Variants in KIAA0825 observed in about 807,000 individuals in gnomAD.
The protein encoded by KIAA0825 is KIAA0825, also known as uncharacterized protein KIAA0825.
In KIAA0825, 119 loss-of-function variants were observed where a neutral mutation model predicts 147.6. The ratio of observed to expected loss-of-function variants is 0.81; its 90% CI spans 0.69 to 0.94. KIAA0825 has a LOEUF of 0.94. Among genes scored for constraint, KIAA0825 ranks in the 40% least tolerant of loss-of-function variants. The pLI is 0.00. For synonymous variants in KIAA0825, 470 were observed against 518.1 expected, an observed-to-expected ratio of 0.91 and a Z score of 1.26; for missense variants, 1,381 against 1,472.7, an observed-to-expected ratio of 0.94 and a Z score of 1.02.
intron 20 of KIAA0825, among the ~76,000 whole-genome samples, chr5:94,289,466 C>T (rs571388304): frequency 1.3e-4 from 19 of 145,154 alleles, no homozygotes; most frequent in African/African-American, 4.8e-4. Context: ...ACCCAGGAGA[C>T]AGAGGTTGCA....
At position 94,169,448 on chromosome 5, in the gene KIAA0825, G is replaced by A. The variant is rs577598574; in HGVS notation, c.3711-15324C>T. Among the ~76,000 whole-genome samples the A allele has an allele frequency of 5.9e-5, 9 of 152,138 alleles. 1 individual carries two copies. Among genetic ancestry groups the A allele is most frequent in the Admixed American group, 2.6e-4 (4 of 15,274 alleles). ...AATACAAAAATTAGCGGGGCATGGTGGCACATGCCTGTAATCCCAGCATTT... is the reference window on the plus strand; with the variant it reads ...AATACAAAAATTAGCGGGGCATGGTAGCACATGCCTGTAATCCCAGCATTT... On this transcript the variant is annotated intron_variant, in intron 20 of 20. Coordinates refer to ENST00000682413, the MANE Select transcript of KIAA0825 (RefSeq NM_001145678.3).
chr5:94,578,475 TG>T (rs1490898586), intron 2 of KIAA0825, among the ~76,000 whole-genome samples: 2 of 152,220 alleles, frequency 1.3e-5, no homozygotes, highest in African/African-American at 2.4e-5. Context: ...TCTTAGATGT[TG>T]GAACAATTAC....
At chr5:94,427,520 T>C (rs1755046921) in intron 14 of KIAA0825, among the ~76,000 whole-genome samples, 1 of 151,958 alleles carries the variant, frequency 6.6e-6, no homozygotes, top group Admixed American at 6.6e-5. Context: ...TGGGTGAGAG[T>C]GCAAGACCCT....
At chr5:94,211,676 T>TCCTA (rs1391364538) in intron 20 of KIAA0825, among the ~76,000 whole-genome samples, 1 of 152,174 alleles carries the variant, frequency 6.6e-6, no homozygotes, top group African/African-American at 2.4e-5. Context: ...CTATCTTGAG[T>TCCTA]CCTACCTGTA....
chr5:94,211,372 T>G (rs1772692027), intron 20 of KIAA0825, among the ~76,000 whole-genome samples: 1 of 152,154 alleles, frequency 6.6e-6, no homozygotes, highest in Admixed American at 6.6e-5. Flanking sequence ...GTTTTATTCC[T>G]CTCCCCTTCA....
At chr5:94,375,338 G>C (rs915602475) in intron 20 of KIAA0825, among the ~76,000 whole-genome samples, 1 of 151,968 alleles carries the variant, frequency 6.6e-6, no homozygotes, top group African/African-American at 2.4e-5. Context: ...GCCAAAAATA[G>C]ATTTTTCTGA....
At chr5:94,239,988 TAATA>T (rs942422250) in intron 20 of KIAA0825, among the ~76,000 whole-genome samples, 2 of 152,176 alleles carry the variant, frequency 1.3e-5, no homozygotes, top group Admixed American at 6.5e-5. Flanking sequence ...TTTGTCCAAT[TAATA>T]GATTGCCTGT....
intron 1 of KIAA0825, among the ~76,000 whole-genome samples, chr5:94,615,165 A>G (rs1190192166): frequency 6.6e-6 from 1 of 152,186 alleles, no homozygotes; most frequent in Admixed American, 6.5e-5. Context: ...GTGAACACAT[A>G]TAAAAGCTTA....
Position 94,269,334 on chromosome 5 carries a change from A to C in KIAA0825, c.3710+115034T>G, listed in dbSNP as rs368704978. 8.1e-4 allele frequency among the ~76,000 whole-genome samples: 123 copies of C among 152,266 alleles called. 3 individuals are homozygous for C. In the South Asian group the frequency reaches 0.021, roughly 25 times the overall value. On this transcript the variant is annotated intron_variant, in intron 20 of 20. Coordinates refer to ENST00000682413, the MANE Select transcript of KIAA0825 (RefSeq NM_001145678.3). ...TACCTTAGAAAATGAACTTCACTCA[A>C]ATGAAGACAGGAAGATGGAAAGAAG...
intron 20 of KIAA0825, among the ~76,000 whole-genome samples, chr5:94,319,124 A>C (rs1779929496): frequency 6.6e-6 from 1 of 151,906 alleles, no homozygotes; most frequent in Non-Finnish European, 1.5e-5. Context: ...GGCTGGCTGT[A>C]AACATTTGTG....
At chr5:94,443,036 T>C (rs1757283374) in intron 13 of KIAA0825, among the ~76,000 whole-genome samples, 1 of 152,166 alleles carries the variant, frequency 6.6e-6, no homozygotes, top group African/African-American at 2.4e-5. Context: ...TATGCCGCTG[T>C]ATCTGAATAC....
At chr5:94,540,169 G>A (rs1003547055) in intron 2 of KIAA0825, among the ~76,000 whole-genome samples, 1 of 152,162 alleles carries the variant, frequency 6.6e-6, no homozygotes, top group Non-Finnish European at 1.5e-5. Context: ...GTAAAAATCA[G>A]TGTTTATCTT....
chr5:94,386,892 G>A (rs1003058251), intron 18 of KIAA0825, among the ~76,000 whole-genome samples: 15 of 152,112 alleles, frequency 9.9e-5, no homozygotes, highest in African/African-American at 3.6e-4. Flanking sequence ...TATAATGCAA[G>A]CTCCTAAACT....
intron 20 of KIAA0825, among the ~76,000 whole-genome samples, chr5:94,219,542 G>A (rs1773504745): frequency 1.3e-5 from 2 of 152,102 alleles, no homozygotes; most frequent in Admixed American, 1.3e-4. Context: ...TCTAAGAAAT[G>A]CATTGATAGG....
intron 20 of KIAA0825, among the ~76,000 whole-genome samples, chr5:94,302,202 G>A (rs1442199622): frequency 6.6e-6 from 1 of 152,048 alleles, no homozygotes; most frequent in African/African-American, 2.4e-5. Context: ...TTTTAAAATA[G>A]GCCCGTTCAG....
At chr5:94,313,801 A>G (rs1258607061) in intron 20 of KIAA0825, among the ~76,000 whole-genome samples, 1 of 151,544 alleles carries the variant, frequency 6.6e-6, no homozygotes, top group Non-Finnish European at 1.5e-5. Flanking sequence ...TATCCTAGCT[A>G]TCAGTTTTCA....
chr5:94,418,289 T>C (rs1753727126), intron 14 of KIAA0825, among the ~76,000 whole-genome samples: 1 of 152,202 alleles, frequency 6.6e-6, no homozygotes, highest in Admixed American at 6.5e-5. Flanking sequence ...ATTTTGATGA[T>C]CTAAAGGAGC....
At chr5:94,359,892 T>A (rs1226908391) in intron 20 of KIAA0825, among the ~76,000 whole-genome samples, 1 of 152,236 alleles carries the variant, frequency 6.6e-6, no homozygotes, top group Non-Finnish European at 1.5e-5. Context: ...GTGTGTCACT[T>A]AAGCTACCAC....
intron 5 of KIAA0825, among the ~76,000 whole-genome samples, chr5:94,515,819 A>AT (rs1177008339): frequency 6.6e-6 from 1 of 152,048 alleles, no homozygotes; most frequent in Admixed American, 6.5e-5. Context: ...TAGAGAAACT[A>AT]TAAGAATACA....
Sources: allele counts gnomAD v4.1 joint callset (sites outside exome capture counted in the v4.1 genomes callset), GRCh38; gene constraint gnomAD v4.1.1; transcripts MANE v1.5; gene names NCBI Gene and HGNC (gene_info 2026-07-23, HGNC 2026-07-21).